The following C2orf42 variants were observed in gnomAD, a reference collection of about 807,000 sequenced individuals.
C2orf42 encodes uncharacterized protein C2orf42.
C2orf42 carries 44 observed loss-of-function variants against 58.9 expected under a neutral mutation model. The ratio of observed to expected loss-of-function variants is 0.75; its 90% CI spans 0.59 to 0.96. The LOEUF (loss-of-function observed/expected upper bound fraction) is 0.96. Ranked by LOEUF, C2orf42 falls within the 40% of genes least tolerant of loss-of-function variation. The probability of loss-of-function intolerance (pLI) is 0.00; values close to 1 mark genes in which losing one functional copy is unlikely to be tolerated. For missense variants in C2orf42, 630 were observed against 699.2 expected, an observed-to-expected ratio of 0.90 and a Z score of 1.12; for synonymous variants, 239 against 265.4, an observed-to-expected ratio of 0.90 and a Z score of 0.97.
intron 5 of C2orf42, among the ~76,000 whole-genome samples, chr2:70,173,349 C>A (rs1196685844): frequency 1.4e-5 from 2 of 144,604 alleles, no homozygotes; most frequent in Non-Finnish European, 3.0e-5. Context: ...TCTTGGCTCA[C>A]TGCAACCTTC....
chr2:70,185,720 AAT>A lies in C2orf42; in HGVS notation c.-281-2787_-281-2786del, dbSNP rs1254111161. Among the ~76,000 whole-genome samples, 850 of 150,918 alleles carry A rather than the reference AAT, an allele frequency of 5.6e-3. 10 individuals carry two copies. Among genetic ancestry groups the A allele is most frequent in the African/African-American group, 0.019 (788 of 41,054 alleles). ...AGAGTGAGACTTTGTCACAAAAAAA[AAT>A]ATATATATATACACACACACACAAA... On this transcript the variant is annotated intron_variant, in intron 1 of 9. Coordinates refer to ENST00000264434, the MANE Select transcript of C2orf42 (RefSeq NM_017880.3).
At chr2:70,184,529 C>T (rs1057262340) in intron 1 of C2orf42, among the ~76,000 whole-genome samples, 1 of 118,120 alleles carries the variant, frequency 8.5e-6, no homozygotes, top group African/African-American at 3.4e-5. Context: ...ACTCTGTTGT[C>T]AAAGATGGAG....
At chr2:70,156,380 G>T (rs1398781180) in intron 9 of C2orf42, among the ~76,000 whole-genome samples, 36 of 152,100 alleles carry the variant, frequency 2.4e-4, no homozygotes, top group Admixed American at 2.2e-3. Flanking sequence ...CACCTCCTTG[G>T]GAGGCAGAGT....
At chr2:70,186,933 T>G (rs1674975275) in intron 1 of C2orf42, among the ~76,000 whole-genome samples, 2 of 137,668 alleles carry the variant, frequency 1.5e-5, no homozygotes, top group Non-Finnish European at 3.1e-5. Flanking sequence ...AAGGGGAACA[T>G]CACACTCTGG....
chr2:70,150,430 C>G lies in C2orf42; in HGVS notation c.1651G>C (p.Glu551Gln). The stretch of plus-strand genomic sequence containing the variant: ...AAGGGGGGCCGCTGGTCTTGGTACT[C>G]CGCCACATGCCCATTCCGGTGGTGG... ...YGHHRNGHVA[E>Q]YQDQRPPLDQ... is the part of the protein sequence containing the mutation. Residue 551 changes from glutamate (E) to glutamine (Q), a missense_variant, in exon 10 of 10, where the codon GAG becomes CAG. Physicochemically the swap from Glu to Gln is conservative, Grantham distance 29. Transcript: ENST00000264434. The G allele has an allele frequency of 6.2e-7, 1 of 1,614,146 alleles. No homozygotes were observed. The highest frequency in any genetic ancestry group is 8.5e-7 in the Non-Finnish European group (1 of 1,180,032).
Position 70,150,428 on chromosome 2 carries a change from C to T in C2orf42, c.1653G>A (p.Glu551=), listed in dbSNP as rs754557294. The part of the protein sequence containing the change: ...YGHHRNGHVA[E]YQDQRPPLDQ... ...CCAAGGGGGGCCGCTGGTCTTGGTA[C>T]TCCGCCACATGCCCATTCCGGTGGT... The change falls in exon 10 of 10, where the codon GAG becomes GAA. Residue 551 remains glutamate (E), a synonymous_variant. Transcript: ENST00000264434. 8 of 1,614,052 alleles carry T rather than the reference C, an allele frequency of 5.0e-6. No individual in the cohort carries two copies. In the East Asian group the frequency reaches 1.6e-4, roughly 31 times the overall value.
chr2:70,152,736 T>C (rs13429940), intron 9 of C2orf42, among the ~76,000 whole-genome samples: 33,544 of 151,922 alleles, frequency 0.22, 4,006 homozygotes, highest in Non-Finnish European at 0.24. Context: ...AGTAGGTGCA[T>C]TTAAGGTGAA....
intron 1 of C2orf42, among the ~76,000 whole-genome samples, chr2:70,186,320 A>G (rs1169702114): frequency 1.3e-5 from 2 of 152,160 alleles, no homozygotes; most frequent in South Asian, 2.1e-4. Flanking sequence ...ATATACACAC[A>G]CACACACACA....
chr2:70,186,727 G>T (rs534522948), intron 1 of C2orf42, among the ~76,000 whole-genome samples: 3,536 of 152,174 alleles, frequency 0.023, 153 homozygotes, highest in African/African-American at 0.081. Context: ...TGATAGACTG[G>T]ATTAAGAAAA....
At chr2:70,188,582 A>ATGTT in intron 1 of C2orf42, among the ~76,000 whole-genome samples, 1 of 152,274 alleles carries the variant, frequency 6.6e-6, no homozygotes, top group Middle Eastern at 3.4e-3. Context: ...AACACCACTC[A>ATGTT]CCCAGTTTCC....
intron 9 of C2orf42, among the ~76,000 whole-genome samples, chr2:70,155,982 C>A (rs958678572): frequency 2.0e-5 from 3 of 151,532 alleles, no homozygotes; most frequent in Non-Finnish European, 4.4e-5. Flanking sequence ...GTGGAGAAAC[C>A]CCATCTCTAC....
chr2:70,159,201 C>T (rs1672898771), intron 9 of C2orf42, among the ~76,000 whole-genome samples: 1 of 151,888 alleles, frequency 6.6e-6, no homozygotes, highest in Admixed American at 6.6e-5. Context: ...CGGAGTATTC[C>T]TTTTAAAAGC....
At chr2:70,180,662 T>TCAACCAAC (rs1300617009) in intron 3 of C2orf42, among the ~76,000 whole-genome samples, 1 of 149,280 alleles carries the variant, frequency 6.7e-6, no homozygotes, top group African/African-American at 2.5e-5. Flanking sequence ...ATCATTAATT[T>TCAACCAAC]CAACCAACCA....
rs192989951 is a variant in C2orf42, at chr2:70,151,739, A to G, written c.1517-1175T>C. Among the ~76,000 whole-genome samples, 283 of 152,284 alleles carry G rather than the reference A, an allele frequency of 1.9e-3. 1 individual carries two copies. Among genetic ancestry groups the G allele is most frequent in the African/African-American group, 6.6e-3 (274 of 41,554 alleles). On this transcript the variant is annotated intron_variant, in intron 9 of 9. Coordinates refer to ENST00000264434, the MANE Select transcript of C2orf42 (RefSeq NM_017880.3). ...AATGTATATACATTTTTCTCTCAGC[A>G]CTACTAAATCTTTGACTTCATAAGC... is the stretch of plus-strand genomic sequence containing the variant.
intron 6 of C2orf42, among the ~76,000 whole-genome samples, chr2:70,169,034 A>G (rs1366950210): frequency 1.3e-5 from 2 of 151,834 alleles, no homozygotes; most frequent in Non-Finnish European, 2.9e-5. Context: ...GTAATTCTAT[A>G]TAACTATCTT....
chr2:70,180,919 C>T (rs942331308), intron 3 of C2orf42, among the ~76,000 whole-genome samples: 1 of 144,880 alleles, frequency 6.9e-6, no homozygotes, highest in Non-Finnish European at 1.5e-5. Flanking sequence ...GGTAGGATCT[C>T]GAGCCTGGGA....
At chr2:70,184,663 A>C (rs1036518914) in intron 1 of C2orf42, among the ~76,000 whole-genome samples, 1 of 150,590 alleles carries the variant, frequency 6.6e-6, no homozygotes, top group African/African-American at 2.4e-5. Context: ...AATTTTTTAT[A>C]GAGATGGGGG....
Position 70,158,935 on chromosome 2 carries a change from C to T in C2orf42, c.1516+1690G>A, listed in dbSNP as rs1273528844. Among the ~76,000 whole-genome samples, 22 of 114,848 alleles carry T rather than the reference C, an allele frequency of 1.9e-4. 2 individuals carry two copies. In the South Asian group the frequency reaches 6.3e-3, roughly 33 times the overall value. The allele number at this position is 114,848 out of a possible 152,430, so 75.3% of individuals were successfully genotyped here. The stretch of plus-strand genomic sequence containing the variant: ...TTTTTTTTTTTGAGACGGAGTCTTG[C>T]TCTGTTGCCCAGGCTGGAGTGCATG... On this transcript the variant is annotated intron_variant, in intron 9 of 9. Coordinates refer to ENST00000264434, the MANE Select transcript of C2orf42 (RefSeq NM_017880.3).
At chr2:70,178,643 C>A (rs372748972) in intron 4 of C2orf42, among the ~76,000 whole-genome samples, 1 of 146,612 alleles carries the variant, frequency 6.8e-6, no homozygotes, top group East Asian at 2.1e-4. Context: ...CTGGGTGCAG[C>A]GGCTCACGCC....
Sources: gnomAD v4.1 joint callset for allele counts (sites outside exome capture counted in the v4.1 genomes callset) on GRCh38, gnomAD v4.1.1 for gene constraint, MANE v1.5 for transcripts, NCBI Gene and HGNC (gene_info 2026-07-23, HGNC 2026-07-21) for gene names.